CCDC110: variants seen among roughly 807,000 people sequenced by gnomAD.
CCDC110 encodes coiled-coil domain-containing protein 110.
Under a neutral mutation model 77.1 loss-of-function variants are expected in CCDC110, and 70 were observed. That is an observed-to-expected ratio of 0.91 (90% CI 0.75 to 1.11). The LOEUF (loss-of-function observed/expected upper bound fraction) is 1.11, where lower values mean the gene tolerates loss of function less well. Ranked by LOEUF, CCDC110 falls within the 50% of genes least tolerant of loss-of-function variation. CCDC110 has a pLI of 0.00. For synonymous variants in CCDC110, 295 were observed against 312.5 expected, an observed-to-expected ratio of 0.94 and a Z score of 0.59; for missense variants, 868 against 942.9, an observed-to-expected ratio of 0.92 and a Z score of 1.04.
chr4:185,457,625 A>C (rs759185864), intron 6 of CCDC110: 90 of 571,102 alleles, frequency 1.6e-4, no homozygotes, highest in Non-Finnish European at 2.4e-4. Context: ...TTGACAGTAT[A>C]AAATATATAC....
At chr4:185,452,955 A>C (rs2095631273) in intron 6 of CCDC110, among the ~76,000 whole-genome samples, 1 of 151,904 alleles carries the variant, frequency 6.6e-6, no homozygotes, top group African/African-American at 2.4e-5. Context: ...ATACTAGAGC[A>C]AAATTAATTT....
chr4:185,453,663 G>C (rs1279532124), intron 6 of CCDC110, among the ~76,000 whole-genome samples: 1 of 149,704 alleles, frequency 6.7e-6, no homozygotes, highest in African/African-American at 2.5e-5. Context: ...TCCTGCCACA[G>C]CCTCCTAAGT....
chr4:185,458,624 T>G lies in CCDC110; in HGVS notation c.1963A>C (p.Arg655=). 1.2e-6 allele frequency: 2 copies of G among 1,608,618 alleles called. No individual in the cohort carries two copies. Among genetic ancestry groups the G allele is most frequent in the Non-Finnish European group, 1.7e-6 (2 of 1,179,662 alleles). The stretch of plus-strand genomic sequence containing the variant: ...TCAATTTCTCTTTCCATAATTTGTC[T>G]GGCAGCAGTAGATTCTTGTAATGTT... The part of the protein sequence containing the change: ...ETTLQESTAA[R]QIMEREIENI... The change falls in exon 6 of 7, where the codon AGA becomes CGA. Residue 655 remains arginine, a synonymous_variant. Transcript: ENST00000307588.
rs367852576 is a variant in CCDC110, at chr4:185,471,725, C to G, written c.-42G>C. The stretch of plus-strand genomic sequence containing the variant: ...TCTCGCAACCGCCGCCGCACGCACC[C>G]GCTCCGCCGCCCCGCGCAGGGCATC... On this transcript the variant is annotated 5_prime_UTR_variant, in exon 1 of 7. Coordinates refer to ENST00000307588, the MANE Select transcript of CCDC110 (RefSeq NM_152775.4). 449 of 1,517,264 alleles carry G rather than the reference C, an allele frequency of 3.0e-4. 1 individual carries two copies. The African/African-American group carries it at 5.7e-3, about 19-fold the overall frequency. The allele number at this position is 1,517,264 out of a possible 1,614,324, so 94.0% of individuals were successfully genotyped here. A position where few individuals can be genotyped will look rare whatever the true frequency, so the allele number is the denominator to read the frequency against.
At chr4:185,467,719 A>G (rs1159386338) in intron 2 of CCDC110, among the ~76,000 whole-genome samples, 10 of 152,246 alleles carry the variant, frequency 6.6e-5, no homozygotes, top group Admixed American at 6.5e-4. Context: ...TACAAAAAGT[A>G]CCAACTGCAT....
Position 185,468,478 on chromosome 4 carries a change from C to A in CCDC110, c.115+2467G>T, listed in dbSNP as rs147227229. Reference sequence around the variant, plus strand: ...ATTTTCTCAGAATAAATCCCAAATTCATCCATGGAACTACAAAGCCCTGTC... The same window carrying A: ...ATTTTCTCAGAATAAATCCCAAATTAATCCATGGAACTACAAAGCCCTGTC... On this transcript the variant is annotated intron_variant, in intron 2 of 6. Transcript: ENST00000307588. This position sits in a 1 kb window ranked among gnomAD's most constrained non-coding sequence, Gnocchi z 4.5. Among the ~76,000 whole-genome samples, 6 of 152,310 alleles carry A rather than the reference C, an allele frequency of 3.9e-5. No homozygotes were observed. The East Asian group carries it at 1.2e-3, about 29-fold the overall frequency.
intron 5 of CCDC110, 25 bp downstream of exon 5, chr4:185,461,021 TAGA>T (rs2095645313): frequency 8.1e-7 from 1 of 1,232,264 alleles, no homozygotes; most frequent in Non-Finnish European, 1.2e-6. Flanking sequence ...TACCTACATA[TAGA>T]AATGATTTCT....
chr4:185,458,009 T>C, intron 6 of CCDC110, 117 bp downstream of exon 6: 1 of 749,142 alleles, frequency 1.3e-6, no homozygotes, highest in South Asian at 3.1e-5. Flanking sequence ...GATACAAATT[T>C]TACAAAACAA....
Position 185,459,524 on chromosome 4 carries a change from C to G in CCDC110, c.1063G>C (p.Glu355Gln). 1.2e-6 allele frequency: 2 copies of G among 1,612,946 alleles called. No individual in the cohort carries two copies. The change falls in exon 6 of 7, where the codon GAG becomes CAG. Residue 355 changes from glutamate (E) to glutamine (Q), a missense_variant. Transcript: ENST00000307588. ...KSEMHRGKKNEKNNKEIPITG... is the reference protein window; with the variant it reads ...KSEMHRGKKNQKNNKEIPITG... ...ATGGGAATTTCTTTATTGTTTTTCT[C>G]ATTTTTCTTTCCCCTGTGCATTTCA...
chr4:185,446,874 G>A (rs996571128), intron 6 of CCDC110, among the ~76,000 whole-genome samples: 1 of 152,152 alleles, frequency 6.6e-6, no homozygotes, highest in Non-Finnish European at 1.5e-5. Context: ...AAAACCTGAA[G>A]TTCCTTTGTA....
At chr4:185,452,106 G>T in intron 6 of CCDC110, 1 of 739,340 alleles carries the variant, frequency 1.4e-6, no homozygotes, top group Non-Finnish European at 1.7e-6. Context: ...TGATGCCCAT[G>T]GATTGTTTTC....
intron 6 of CCDC110, among the ~76,000 whole-genome samples, chr4:185,451,692 T>G (rs1356026785): frequency 6.6e-6 from 1 of 152,220 alleles, no homozygotes; most frequent in Non-Finnish European, 1.5e-5. Flanking sequence ...ATTCTTAGGC[T>G]GGGCGTGGTG....
chr4:185,445,602 A>C, intron 6 of CCDC110, 60 bp from the exon 7 acceptor site: 1 of 1,082,398 alleles, frequency 9.2e-7, no homozygotes, highest in Non-Finnish European at 1.4e-6. Flanking sequence ...TAATGCTTTG[A>C]GAAAAAGTAT....
At chr4:185,463,891 TTG>T (rs1442902108) in intron 2 of CCDC110, among the ~76,000 whole-genome samples, 1 of 152,162 alleles carries the variant, frequency 6.6e-6, no homozygotes, top group African/African-American at 2.4e-5. Flanking sequence ...TGCTTGACTG[TTG>T]TGTTTTGCTT....
intron 6 of CCDC110, among the ~76,000 whole-genome samples, chr4:185,450,742 T>TAA (rs59657318): frequency 0.67 from 90,938 of 136,300 alleles, 33,600 homozygotes; most frequent in East Asian, 0.93. Flanking sequence ...AGACTCTGTC[T>TAA]AAAAAAAAAA....
chr4:185,470,773 C>CA, intron 2 of CCDC110, 172 bp downstream of exon 2: 6 of 701,010 alleles, frequency 8.6e-6, no homozygotes, highest in Admixed American at 1.9e-5. Flanking sequence ...GAGAATTAAA[C>CA]AGTTGATCCA....
At chr4:185,464,451 T>C (rs967538433) in intron 2 of CCDC110, among the ~76,000 whole-genome samples, 3 of 152,192 alleles carry the variant, frequency 2.0e-5, no homozygotes, top group African/African-American at 7.2e-5. Flanking sequence ...GGATCTTGCT[T>C]AGCTTTGCCT....
chr4:185,445,473 A>C lies in CCDC110; in HGVS notation c.*29T>G. 6.6e-7 allele frequency: 1 copy of C among 1,511,612 alleles called. No individual in the cohort carries two copies. The highest frequency in any genetic ancestry group is 9.1e-7 in the Non-Finnish European group (1 of 1,096,628). The allele number at this position is 1,511,612 out of a possible 1,614,324, so 93.6% of individuals were successfully genotyped here. On this transcript the variant is annotated 3_prime_UTR_variant, in exon 7 of 7. Transcript: ENST00000307588. ...ACAATTAACATTGGCTATTTCTCGA[A>C]GGGAGTTTCTTAGCAATCTTGAGGA...
chr4:185,454,402 TTACAC>T (rs1314156576), intron 6 of CCDC110, among the ~76,000 whole-genome samples: 3 of 152,152 alleles, frequency 2.0e-5, no homozygotes, highest in African/African-American at 4.8e-5. Flanking sequence ...TTTGAAATCA[TTACAC>T]TACTGTTAGA....
Sources: allele counts gnomAD v4.1 joint callset (sites outside exome capture counted in the v4.1 genomes callset), GRCh38; gene constraint gnomAD v4.1.1; non-coding constraint Gnocchi (gnomAD v3.1); transcripts MANE v1.5; gene names NCBI Gene and HGNC (gene_info 2026-07-23, HGNC 2026-07-21).